GPR27: variants seen among roughly 807,000 people sequenced by gnomAD.
GPR27 encodes the protein G protein-coupled receptor 27, also known as probable G protein-coupled receptor 27.
In GPR27, 3 loss-of-function variants were observed where a neutral mutation model predicts 2.4. The ratio of observed to expected loss-of-function variants is 1.23; its 90% CI spans 0.56 to 3.18. GPR27 has a LOEUF of 3.18. Among genes scored for constraint, GPR27 ranks in the 30% most tolerant of loss-of-function variants. GPR27 has a pLI of 0.03. For missense variants in GPR27, 526 were observed against 566.1 expected (o/e 0.93, Z 0.72); for synonymous variants, 367 against 296.4 (o/e 1.24, Z -2.45).
At position 71,756,099 on chromosome 3, in the gene GPR27, T is replaced by C. The variant is rs1285510362; in HGVS notation, c.*922T>C. ...TATTTTTTGCCAATAAAAAATTAAT[T>C]TTATGGAAATGGCTTGTGCTTTGAG... On this transcript the variant is annotated 3_prime_UTR_variant, in exon 1 of 1. Coordinates refer to ENST00000304411, the MANE Select transcript of GPR27 (RefSeq NM_018971.3). 6.6e-6 allele frequency: 1 copy of C among 152,220 alleles called. No individual in the cohort carries two copies. Among genetic ancestry groups the C allele is most frequent in the Non-Finnish European group, 1.5e-5 (1 of 68,032 alleles). 9.4% of individuals were successfully genotyped at this position (152,220 alleles called of 1,614,324 possible). A position where few individuals can be genotyped will look rare whatever the true frequency, so the allele number is the denominator to read the frequency against.
Position 71,755,370 on chromosome 3 carries a change from C to G in GPR27, c.*193C>G, listed in dbSNP as rs541597275. ...GAGGAGTAGGATGCTCAGCCCACTC[C>G]AGCTCCGCACATTCGTCCTCCTAAC... On this transcript the variant is annotated 3_prime_UTR_variant, in exon 1 of 1. Coordinates refer to ENST00000304411, the MANE Select transcript of GPR27 (RefSeq NM_018971.3). 3 of 583,168 alleles carry G rather than the reference C, an allele frequency of 5.1e-6. No individual in the cohort carries two copies. Among genetic ancestry groups the G allele is most frequent in the Non-Finnish European group, 9.1e-6 (3 of 329,446 alleles). The allele number at this position is 583,168 out of a possible 1,614,324, so 36.1% of individuals were successfully genotyped here.
chr3:71,755,374 TC>T lies in GPR27; in HGVS notation c.*199del. 1 of 580,738 alleles carries T rather than the reference TC, an allele frequency of 1.7e-6. No individual in the cohort carries two copies. The allele number at this position is 580,738 out of a possible 1,614,324, so 36.0% of individuals were successfully genotyped here. ...AGTAGGATGCTCAGCCCACTCCAGC[TC>T]CGCACATTCGTCCTCCTAACTCGAC... On this transcript the variant is annotated 3_prime_UTR_variant, in exon 1 of 1. Transcript: ENST00000304411.
In GPR27 at chr3:71,754,880, G is replaced by A; in HGVS notation, c.831G>A (p.Lys277=). 1.3e-6 allele frequency: 2 copies of A among 1,577,686 alleles called. No homozygotes were observed. Among genetic ancestry groups the A allele is most frequent in the Non-Finnish European group, 1.7e-6 (2 of 1,157,480 alleles). ...GCCTCCTCGTGCTGGAAGAATTCAAGACGGAGAAGAGGCTGTGCAAGATGT... is the reference window on the plus strand; with the variant it reads ...GCCTCCTCGTGCTGGAAGAATTCAAAACGGAGAAGAGGCTGTGCAAGATGT... The part of the protein sequence containing the change: ...ARRLLVLEEF[K]TEKRLCKMFY... The change falls in exon 1 of 1, where the codon AAG becomes AAA. Residue 277 remains lysine, a synonymous_variant. Coordinates refer to ENST00000304411, the MANE Select transcript of GPR27 (RefSeq NM_018971.3). This position sits in a 1 kb window ranked among gnomAD's most constrained non-coding sequence, Gnocchi z 5.8.
Position 71,754,013 on chromosome 3 carries a change from G to C in GPR27, c.-37G>C, listed in dbSNP as rs1214881238. On this transcript the variant is annotated 5_prime_UTR_variant, in exon 1 of 1. Transcript: ENST00000304411. This position sits in a 1 kb window ranked among gnomAD's most constrained non-coding sequence, Gnocchi z 5.8. ...CTGCGGGAGCGGCGAGGCAGGGGAC[G>C]GCCCCGGGGCGGAGCGCACGGCCTG... 1 of 1,096,958 alleles carries C rather than the reference G, an allele frequency of 9.1e-7. No homozygotes were observed. Among genetic ancestry groups the C allele is most frequent in the South Asian group, 4.2e-5 (1 of 23,856 alleles). 68.0% of individuals were successfully genotyped at this position (1,096,958 alleles called of 1,614,324 possible). A position where few individuals can be genotyped will look rare whatever the true frequency, so the allele number is the denominator to read the frequency against.
Position 71,754,268 on chromosome 3 carries a change from G to A in GPR27, c.219G>A (p.Pro73=). The change falls in exon 1 of 1, where the codon CCG becomes CCA. Residue 73 remains proline (P), a synonymous_variant. Coordinates refer to ENST00000304411, the MANE Select transcript of GPR27 (RefSeq NM_018971.3). This position sits in a 1 kb window ranked among gnomAD's most constrained non-coding sequence, Gnocchi z 5.8. ...GGCTGCGCGCGCTCGCCTGCCTCCC[G>A]GCCGTCATGCTGGCGGCGCGGCGTG... ...ADGLRALACL[P]AVMLAARRAA... is the part of the protein sequence containing the mutation. The A allele has an allele frequency of 8.2e-7, 1 of 1,221,712 alleles. No individual in the cohort carries two copies. The highest frequency in any genetic ancestry group is 1.0e-6 in the Non-Finnish European group (1 of 972,594). The allele number at this position is 1,221,712 out of a possible 1,614,324, so 75.7% of individuals were successfully genotyped here.
rs1000236470 is a variant in GPR27, at chr3:71,755,752, G to A, written c.*575G>A. On this transcript the variant is annotated 3_prime_UTR_variant, in exon 1 of 1. Transcript: ENST00000304411. ...CTGCGCTGGTTCTTTGAAAGTCTCA[G>A]TGTTGATATTGAACTTAAAGAGCAG... 2.6e-5 allele frequency: 4 copies of A among 152,324 alleles called. No individual in the cohort carries two copies. Among genetic ancestry groups the A allele is most frequent in the Admixed American group, 2.6e-4 (4 of 15,282 alleles). The allele number at this position is 152,324 out of a possible 1,614,324, so 9.4% of individuals were successfully genotyped here.
At position 71,756,087 on chromosome 3, in the gene GPR27, T is replaced by C. The variant is rs999830017; in HGVS notation, c.*910T>C. ...AATTGTTTTAAGTATTTTTTGCCAA[T>C]AAAAAATTAATTTTATGGAAATGGC... On this transcript the variant is annotated 3_prime_UTR_variant, in exon 1 of 1. Coordinates refer to ENST00000304411, the MANE Select transcript of GPR27 (RefSeq NM_018971.3). The C allele has an allele frequency of 1.2e-4, 18 of 152,198 alleles. No homozygotes were observed. The highest frequency in any genetic ancestry group is 2.6e-4 in the Admixed American group (4 of 15,284). 9.4% of individuals were successfully genotyped at this position (152,198 alleles called of 1,614,324 possible).
In GPR27 at chr3:71,754,373, C is replaced by T. The variant is rs1166806146; in HGVS notation, c.324C>T (p.His108=). The part of the protein sequence containing the change: ...LAFLAALFCF[H]AAFLLLGVGV... ...TCCTGGCCGCGCTCTTCTGCTTCCACGCCGCCTTCCTGCTGCTGGGCGTGG... is the reference window on the plus strand; with the variant it reads ...TCCTGGCCGCGCTCTTCTGCTTCCATGCCGCCTTCCTGCTGCTGGGCGTGG... The change falls in exon 1 of 1, where the codon CAC becomes CAT. Residue 108 remains histidine, a synonymous_variant. Coordinates refer to ENST00000304411, the MANE Select transcript of GPR27 (RefSeq NM_018971.3). The surrounding 1 kb of genome is among the most constrained non-coding windows in gnomAD (Gnocchi z 5.8). 3.0e-6 allele frequency: 4 copies of T among 1,332,968 alleles called. No individual in the cohort carries two copies. In the Admixed American group the frequency reaches 7.9e-5, roughly 26 times the overall value. The allele number at this position is 1,332,968 out of a possible 1,614,324, so 82.6% of individuals were successfully genotyped here.
Position 71,755,129 on chromosome 3 carries a change from G to T in GPR27, c.1080G>T (p.Arg360=). 6.2e-7 allele frequency: 1 copy of T among 1,608,960 alleles called. No homozygotes were observed. Among genetic ancestry groups the T allele is most frequent in the Non-Finnish European group, 8.5e-7 (1 of 1,179,696 alleles). The part of the protein sequence containing the change: ...RAQFPCCQSP[R]TTQATHPCDL... Reference sequence around the variant, plus strand: ...AGTTCCCCTGCTGCCAGAGCCCCCGGACCACCCAGGCGACCCATCCCTGCG... The same window carrying T: ...AGTTCCCCTGCTGCCAGAGCCCCCGTACCACCCAGGCGACCCATCCCTGCG... The change falls in exon 1 of 1, where the codon CGG becomes CGT. Residue 360 remains arginine (R), a synonymous_variant. Coordinates refer to ENST00000304411, the MANE Select transcript of GPR27 (RefSeq NM_018971.3).
chr3:71,754,629 G>A lies in GPR27; in HGVS notation c.580G>A (p.Val194Met). 1.4e-6 allele frequency: 2 copies of A among 1,471,226 alleles called. No homozygotes were observed. Among genetic ancestry groups the A allele is most frequent in the Middle Eastern group, 2.0e-4 (1 of 4,952 alleles). The allele number at this position is 1,471,226 out of a possible 1,614,324, so 91.1% of individuals were successfully genotyped here. A position where few individuals can be genotyped will look rare whatever the true frequency, so the allele number is the denominator to read the frequency against. ...CTTCCTGCTGCTGCTGGCCGTGGTG[G>A]TGGGCGCCACGCACCTCGTCTACCT... ...LGFLLLLAVV[V>M]GATHLVYLRL... is the part of the protein sequence containing the mutation. The change falls in exon 1 of 1, where the codon GTG (valine) becomes ATG (methionine). Residue 194 changes from valine to methionine, a missense_variant. Physicochemically the swap from Val to Met is conservative, Grantham distance 21. This residue lies in a region of GPR27 where 312 missense variants were observed against 318.4 expected (regional missense o/e 0.98). Coordinates refer to ENST00000304411, the MANE Select transcript of GPR27 (RefSeq NM_018971.3). This position sits in a 1 kb window ranked among gnomAD's most constrained non-coding sequence, Gnocchi z 5.8.
rs769709969 is a variant in GPR27, at chr3:71,755,127, C to G, written c.1078C>G (p.Arg360Gly). The change falls in exon 1 of 1, where the codon CGG becomes GGG. Residue 360 changes from arginine (R) to glycine (G), a missense_variant. Physicochemically the swap from Arg to Gly is moderately radical, Grantham distance 125 (BLOSUM62 -2). Coordinates refer to ENST00000304411, the MANE Select transcript of GPR27 (RefSeq NM_018971.3). ...RAQFPCCQSP[R>G]TTQATHPCDL... is the part of the protein sequence containing the mutation. ...CCAGTTCCCCTGCTGCCAGAGCCCC[C>G]GGACCACCCAGGCGACCCATCCCTG... 9 of 1,609,048 alleles carry G rather than the reference C, an allele frequency of 5.6e-6. No homozygotes were observed. The African/African-American group carries it at 1.2e-4, about 21-fold the overall frequency.
rs1270385259 is a variant in GPR27 at position 71,754,124 on chromosome 3, C to T, written c.75C>T (p.Leu25=). 2 of 1,433,544 alleles carry T rather than the reference C, an allele frequency of 1.4e-6. No individual in the cohort carries two copies. Among genetic ancestry groups the T allele is most frequent in the South Asian group, 1.2e-5 (1 of 80,122 alleles). The allele number at this position is 1,433,544 out of a possible 1,614,324, so 88.8% of individuals were successfully genotyped here. Reference sequence around the variant, plus strand: ...CCCTGGGCCTCAAGCTGGCCACGCTCAGCCTGCTGCTGTGCGTGAGCCTAG... The same window carrying T: ...CCCTGGGCCTCAAGCTGGCCACGCTTAGCCTGCTGCTGTGCGTGAGCCTAG... ...AAALGLKLAT[L]SLLLCVSLAG... is the part of the protein sequence containing the mutation. The change falls in exon 1 of 1, where the codon CTC becomes CTT. Residue 25 remains leucine (L), a synonymous_variant. Transcript: ENST00000304411. The surrounding 1 kb of genome is among the most constrained non-coding windows in gnomAD (Gnocchi z 5.8).
Position 71,754,202 on chromosome 3 carries a change from C to G in GPR27, c.153C>G (p.Arg51=). 1 of 1,410,974 alleles carries G rather than the reference C, an allele frequency of 7.1e-7. No homozygotes were observed. The highest frequency in any genetic ancestry group is 9.4e-7 in the Non-Finnish European group (1 of 1,067,124). 87.4% of individuals were successfully genotyped at this position (1,410,974 alleles called of 1,614,324 possible). The part of the protein sequence containing the change: ...LLIVRERSLH[R]APYYLLLDLC... ...TCGTGCGGGAGCGCAGCCTGCACCGCGCCCCGTACTACCTGCTGCTCGACC... is the reference window on the plus strand; with the variant it reads ...TCGTGCGGGAGCGCAGCCTGCACCGGGCCCCGTACTACCTGCTGCTCGACC... Residue 51 remains arginine (R), a synonymous_variant, in exon 1 of 1, where the codon CGC becomes CGG. Transcript: ENST00000304411. This position sits in a 1 kb window ranked among gnomAD's most constrained non-coding sequence, Gnocchi z 5.8.
Position 71,755,461 on chromosome 3 carries a change from T to A in GPR27, c.*284T>A. 2.5e-6 allele frequency: 1 copy of A among 396,634 alleles called. No homozygotes were observed. The highest frequency in any genetic ancestry group is 4.5e-6 in the Non-Finnish European group (1 of 222,428). 24.6% of individuals were successfully genotyped at this position (396,634 alleles called of 1,614,324 possible). A position where few individuals can be genotyped will look rare whatever the true frequency, so the allele number is the denominator to read the frequency against. On this transcript the variant is annotated 3_prime_UTR_variant, in exon 1 of 1. Transcript: ENST00000304411. ...AGCGGTACTGACGTCTTTTATTCCA[T>A]GTGTGGTTCCTTTTTTTCTTTTTCT...
In GPR27 at chr3:71,755,309, T is replaced by A; in HGVS notation, c.*132T>A. 1 of 784,062 alleles carries A rather than the reference T, an allele frequency of 1.3e-6. No homozygotes were observed. The highest frequency in any genetic ancestry group is 2.0e-6 in the Non-Finnish European group (1 of 499,626). The allele number at this position is 784,062 out of a possible 1,614,324, so 48.6% of individuals were successfully genotyped here. A position where few individuals can be genotyped will look rare whatever the true frequency, so the allele number is the denominator to read the frequency against. ...AAAATGACTCGAAGTGGACAGACAC[T>A]TGGATTGTACTGACTCCTTTGGGGG... On this transcript the variant is annotated 3_prime_UTR_variant, in exon 1 of 1. Coordinates refer to ENST00000304411, the MANE Select transcript of GPR27 (RefSeq NM_018971.3).
rs554935195 is a variant in GPR27 at position 71,755,099 on chromosome 3, G to C, written c.1050G>C (p.Arg350Ser). Residue 350 changes from arginine (R) to serine (S), a missense_variant, in exon 1 of 1, where the codon AGG (arginine) becomes AGC (serine). Coordinates refer to ENST00000304411, the MANE Select transcript of GPR27 (RefSeq NM_018971.3). ...ACAGGGAGCTGAGGGACTGCTTCAG[G>C]GCCCAGTTCCCCTGCTGCCAGAGCC... Reference protein sequence around the residue: ...LFNRELRDCFRAQFPCCQSPR... With the variant: ...LFNRELRDCFSAQFPCCQSPR... 3 of 1,610,516 alleles carry C rather than the reference G, an allele frequency of 1.9e-6. No homozygotes were observed. The highest frequency in any genetic ancestry group is 2.5e-6 in the Non-Finnish European group (3 of 1,179,928).
At position 71,756,480 on chromosome 3, in the gene GPR27, A is replaced by C. The variant is rs2050000167; in HGVS notation, c.*1303A>C. The C allele has an allele frequency of 6.6e-6, 1 of 152,226 alleles. No individual in the cohort carries two copies. The allele number at this position is 152,226 out of a possible 1,614,324, so 9.4% of individuals were successfully genotyped here. ...TCTCTTTGCATTATACAAATATACC[A>C]GTATTTTCATTCTGGAGTGGTTGTT... is the stretch of plus-strand genomic sequence containing the variant. On this transcript the variant is annotated 3_prime_UTR_variant, in exon 1 of 1. Coordinates refer to ENST00000304411, the MANE Select transcript of GPR27 (RefSeq NM_018971.3).
In GPR27 at chr3:71,754,206, C is replaced by T; in HGVS notation, c.157C>T (p.Pro53Ser). The T allele has an allele frequency of 7.1e-7, 1 of 1,406,656 alleles. No individual in the cohort carries two copies. Among genetic ancestry groups the T allele is most frequent in the Non-Finnish European group, 9.4e-7 (1 of 1,064,564 alleles). 87.1% of individuals were successfully genotyped at this position (1,406,656 alleles called of 1,614,324 possible). A position where few individuals can be genotyped will look rare whatever the true frequency, so the allele number is the denominator to read the frequency against. ...GCGGGAGCGCAGCCTGCACCGCGCC[C>T]CGTACTACCTGCTGCTCGACCTGTG... ...IVRERSLHRA[P>S]YYLLLDLCLA... The change falls in exon 1 of 1, where the codon CCG (proline) becomes TCG (serine). Residue 53 changes from proline (P) to serine (S), a missense_variant. Around this residue, in one of 3 missense-constraint regions of GPR27, gnomAD observed 312 missense variants for 318.4 expected, o/e 0.98. Transcript: ENST00000304411. This position sits in a 1 kb window ranked among gnomAD's most constrained non-coding sequence, Gnocchi z 5.8.
Position 71,754,607 on chromosome 3 carries a change from C to A in GPR27, c.558C>A (p.Phe186Leu). 3 of 1,446,774 alleles carry A rather than the reference C, an allele frequency of 2.1e-6. No homozygotes were observed. The highest frequency in any genetic ancestry group is 2.7e-6 in the Non-Finnish European group (3 of 1,102,030). The allele number at this position is 1,446,774 out of a possible 1,614,324, so 89.6% of individuals were successfully genotyped here. The change falls in exon 1 of 1, where the codon TTC becomes TTA. Residue 186 changes from phenylalanine (F) to leucine (L), a missense_variant. Physicochemically the swap from Phe to Leu is conservative, Grantham distance 22. This residue lies in a region of GPR27 where 312 missense variants were observed against 318.4 expected (regional missense o/e 0.98). Coordinates refer to ENST00000304411, the MANE Select transcript of GPR27 (RefSeq NM_018971.3). This position sits in a 1 kb window ranked among gnomAD's most constrained non-coding sequence, Gnocchi z 5.8. ...RPDGAPGALGFLLLLAVVVGA... is the reference protein window; with the variant it reads ...RPDGAPGALGLLLLLAVVVGA... ...ACGGCGCCCCCGGCGCGCTGGGCTT[C>A]CTGCTGCTGCTGGCCGTGGTGGTGG...
Sources: gnomAD v4.1 joint callset for allele counts on GRCh38, gnomAD v4.1.1 for gene constraint, gnomAD v4.1.1 regional missense constraint, Gnocchi (gnomAD v3.1) non-coding constraint, MANE v1.5 for transcripts, NCBI Gene and HGNC (gene_info 2026-07-23, HGNC 2026-07-21) for gene names.